MAP4K2: variants seen among roughly 807,000 people sequenced by gnomAD.
MAP4K2 encodes the protein B lymphocyte serine/threonine protein kinase.
Under a neutral mutation model 125.3 loss-of-function variants are expected in MAP4K2, and 85 were observed. The observed-to-expected ratio is 0.68, with a 90% CI of 0.57 to 0.81. The LOEUF (loss-of-function observed/expected upper bound fraction) is 0.81, where lower values mean the gene tolerates loss of function less well. MAP4K2 is among the 40% of genes least tolerant of loss of function. MAP4K2 has a pLI of 0.00. For synonymous variants in MAP4K2, 479 were observed against 445.1 expected, an observed-to-expected ratio of 1.08 and a Z score of -0.96; for missense variants, 923 against 1,056.4, an observed-to-expected ratio of 0.87 and a Z score of 1.75.
intron 27 of MAP4K2, among the ~76,000 whole-genome samples, chr11:64,791,575 T>G (rs927016740): frequency 6.6e-6 from 1 of 152,224 alleles, no homozygotes; most frequent in Non-Finnish European, 1.5e-5. Flanking sequence ...CTCGCCATGT[T>G]GTCCAGGCTG....
In MAP4K2 at chr11:64,789,943, A is replaced by G. The variant is rs1052564481; in HGVS notation, c.2265T>C (p.Ser755=). ...PIETVVCLQD[S]VLAFWSHGMQ... is the part of the protein sequence containing the mutation. Reference sequence around the variant, plus strand: ...TCCCATGGCTCCAGAAGGCCAGCACACTGTCCTGCAGGCACACTATGGGGG... The same window carrying G: ...TCCCATGGCTCCAGAAGGCCAGCACGCTGTCCTGCAGGCACACTATGGGGG... The change falls in exon 30 of 32, where the codon AGT becomes AGC. Residue 755 remains serine (S), a synonymous_variant. Transcript: ENST00000294066. The G allele has an allele frequency of 6.8e-6, 11 of 1,613,336 alleles. No individual in the cohort carries two copies. The highest frequency in any genetic ancestry group is 9.3e-6 in the Non-Finnish European group (11 of 1,179,926).
Position 64,802,849 on chromosome 11 carries a change from C to T in MAP4K2, c.154+36G>A, listed in dbSNP as rs61458515. 5.4e-3 allele frequency: 8,596 copies of T among 1,587,538 alleles called. 368 individuals are homozygous for T. In the African/African-American group the frequency reaches 0.096, roughly 18 times the overall value. ...ACCCCGCGCCCGCGGGCGCTCTGCC[C>T]TTCCTCTGGCGCAGAGGCCCGACCC... On this transcript the variant is annotated intron_variant, in intron 2 of 31. Coordinates refer to ENST00000294066, the MANE Select transcript of MAP4K2 (RefSeq NM_004579.5).
At position 64,786,031 on chromosome 11, in the gene MAP4K2, T is replaced by G. The variant is rs1380982996; in HGVS notation, c.*3506A>C. 1 of 152,210 alleles carries G rather than the reference T, an allele frequency of 6.6e-6. No homozygotes were observed. Among genetic ancestry groups the G allele is most frequent in the Admixed American group, 6.5e-5 (1 of 15,270 alleles). 9.4% of individuals were successfully genotyped at this position (152,210 alleles called of 1,614,324 possible). On this transcript the variant is annotated 3_prime_UTR_variant, in exon 32 of 32. Transcript: ENST00000294066. ...AGATATTACCAATACCTTTAAAAAT[T>G]CCTGGGCTCCTTCCTTATCCCATCC...
At position 64,798,798 on chromosome 11, in the gene MAP4K2, T is replaced by A; in HGVS notation, c.1093A>T (p.Ser365Cys). The change falls in exon 15 of 32, where the codon AGT becomes TGT. Residue 365 changes from serine to cysteine, a missense_variant. Physicochemically the swap from Ser to Cys is moderately radical, Grantham distance 112. Around this residue, in one of 2 missense-constraint regions of MAP4K2, gnomAD observed 833 missense variants for 911.4 expected, o/e 0.91. Transcript: ENST00000294066. ...EWTLLGKEELSGSLLQSVQEA... is the reference protein window; with the variant it reads ...EWTLLGKEELCGSLLQSVQEA... ...GCTTCCCCATACCTCACTTACCCAC[T>A]CAACTCTTCCTTTCCCAGTAGTGTC... The A allele has an allele frequency of 1.2e-6, 2 of 1,611,492 alleles. No individual in the cohort carries two copies. Among genetic ancestry groups the A allele is most frequent in the Non-Finnish European group, 1.7e-6 (2 of 1,178,766 alleles).
At chr11:64,792,826 G>A (rs754346834) in intron 24 of MAP4K2, among the ~76,000 whole-genome samples, 5 of 152,216 alleles carry the variant, frequency 3.3e-5, no homozygotes, top group Non-Finnish European at 7.3e-5. Flanking sequence ...TGGGAATCGT[G>A]TGTGCTCACA....
chr11:64,790,300 G>A, intron 28 of MAP4K2, 26 bp from the exon 29 acceptor site: 1 of 1,613,576 alleles, frequency 6.2e-7, no homozygotes, highest in South Asian at 1.1e-5. Flanking sequence ...ATTGGTGAGT[G>A]GGGACGGGGA....
At position 64,801,042 on chromosome 11, in the gene MAP4K2, G is replaced by C. The variant is rs1211958194; in HGVS notation, c.531-11C>G. 2 of 1,613,678 alleles carry C rather than the reference G, an allele frequency of 1.2e-6. No individual in the cohort carries two copies. Among genetic ancestry groups the C allele is most frequent in the Non-Finnish European group, 8.5e-7 (1 of 1,180,002 alleles). Reference sequence around the variant, plus strand: ...ACCTCGGGAGCCATCCTAGAGGTGGGGTCACAGATGGGATGGCCGGGTGCC... The same window carrying C: ...ACCTCGGGAGCCATCCTAGAGGTGGCGTCACAGATGGGATGGCCGGGTGCC... On this transcript the variant is annotated splice_polypyrimidine_tract_variant and intron_variant, in intron 8 of 31. Transcript: ENST00000294066.
intron 15 of MAP4K2, 91 bp from the exon 16 acceptor site, chr11:64,797,755 G>T: frequency 7.9e-7 from 1 of 1,261,928 alleles, no homozygotes; most frequent in South Asian, 1.7e-5. Context: ...ACCCAGGCCG[G>T]AGTGCAGTGG....
intron 10 of MAP4K2, 29 bp from the exon 11 acceptor site, chr11:64,800,421 A>C: frequency 6.2e-7 from 1 of 1,610,908 alleles, no homozygotes. Flanking sequence ...CCCCAGCGCC[A>C]GATCCAGGTT....
chr11:64,802,146 C>A (rs1305882874), intron 4 of MAP4K2, 25 bp from the exon 5 acceptor site: 1 of 1,608,610 alleles, frequency 6.2e-7, no homozygotes, highest in Non-Finnish European at 8.5e-7. Flanking sequence ...GAGAGGCTGG[C>A]TTGGGGGCCC....
chr11:64,796,619 C>A lies in MAP4K2; in HGVS notation c.1572+15G>T. 1 of 1,614,054 alleles carries A rather than the reference C, an allele frequency of 6.2e-7. No individual in the cohort carries two copies. The highest frequency in any genetic ancestry group is 2.2e-5 in the East Asian group (1 of 44,888). On this transcript the variant is annotated intron_variant, in intron 22 of 31. Transcript: ENST00000294066. ...CCCACAAGGCCTCTGCCCCCCACAG[C>A]CAGCCGGGCCTCACCTTCTCCAGCG...
Position 64,789,227 on chromosome 11 carries a change from G to T in MAP4K2, c.*310C>A. 2.3e-6 allele frequency: 1 copy of T among 440,560 alleles called. No individual in the cohort carries two copies. The highest frequency in any genetic ancestry group is 4.2e-6 in the Non-Finnish European group (1 of 239,848). The allele number at this position is 440,560 out of a possible 1,614,324, so 27.3% of individuals were successfully genotyped here. On this transcript the variant is annotated 3_prime_UTR_variant, in exon 32 of 32. Coordinates refer to ENST00000294066, the MANE Select transcript of MAP4K2 (RefSeq NM_004579.5). ...CAGGGGCAGGCTCTTGGCAGAAAGA[G>T]TAGAAAGGAAATGTGGAACAAAATG...
In MAP4K2 at chr11:64,792,391, T is replaced by C. The variant is rs1367071488; in HGVS notation, c.1783A>G (p.Thr595Ala). The change falls in exon 25 of 32, where the codon ACC (threonine) becomes GCC (alanine). Residue 595 changes from threonine (T) to alanine (A), a missense_variant. Coordinates refer to ENST00000294066, the MANE Select transcript of MAP4K2 (RefSeq NM_004579.5). The part of the protein sequence containing the change: ...RFALSTKIPD[T>A]KGCLQCRVVR... ...ACACGACACTGCAAGCAGCCTTTGG[T>C]GTCAGGAATCTTGGTGGACAGAGCA... 6.8e-7 allele frequency: 1 copy of C among 1,470,336 alleles called. No homozygotes were observed. The highest frequency in any genetic ancestry group is 3.0e-5 in the East Asian group (1 of 33,376). 91.1% of individuals were successfully genotyped at this position (1,470,336 alleles called of 1,614,324 possible). A position where few individuals can be genotyped will look rare whatever the true frequency, so the allele number is the denominator to read the frequency against.
chr11:64,790,877 T>C (rs1257614450), intron 27 of MAP4K2, among the ~76,000 whole-genome samples: 3 of 152,220 alleles, frequency 2.0e-5, no homozygotes, highest in Non-Finnish European at 4.4e-5. Flanking sequence ...GGCTCACACC[T>C]GTAATCCCAG....
At chr11:64,797,851 G>A (rs1379499940) in intron 15 of MAP4K2, among the ~76,000 whole-genome samples, 187 bp from the exon 16 acceptor site, 3 of 151,658 alleles carry the variant, frequency 2.0e-5, no homozygotes, top group East Asian at 1.9e-4. Context: ...GACTACAGGC[G>A]CCCGCCACCG....
chr11:64,796,771 A>T, intron 21 of MAP4K2, 38 bp downstream of exon 21: 1 of 1,613,366 alleles, frequency 6.2e-7, no homozygotes, highest in Non-Finnish European at 8.5e-7. Flanking sequence ...AAGCTGAGGG[A>T]TTCCTTGGGC....
rs1316909763 is a variant in MAP4K2 at position 64,801,604 on chromosome 11, G to C, written c.432C>G (p.Leu144=). 6.2e-7 allele frequency: 1 copy of C among 1,613,896 alleles called. No homozygotes were observed. Residue 144 remains leucine (L), a synonymous_variant, in exon 7 of 32, where the codon CTC becomes CTG. Coordinates refer to ENST00000294066, the MANE Select transcript of MAP4K2 (RefSeq NM_004579.5). ...CCAGTTTGACATCTCCCTGGAGAGT[G>C]AGGAGAAGGTTGGCTCCCTGTGGGA... ...HRDIKGANLL[L]TLQGDVKLAD...
intron 14 of MAP4K2, 43 bp downstream of exon 14, chr11:64,799,378 C>T: frequency 6.2e-7 from 1 of 1,606,090 alleles, no homozygotes; most frequent in Admixed American, 1.7e-5. Flanking sequence ...CCTCCCTGCC[C>T]CACCTCTGGG....
Position 64,792,256 on chromosome 11 carries a change from A to T in MAP4K2, c.1830T>A (p.Gly610=). 1 of 1,610,942 alleles carries T rather than the reference A, an allele frequency of 6.2e-7. No homozygotes were observed. Among genetic ancestry groups the T allele is most frequent in the East Asian group, 2.2e-5 (1 of 44,794 alleles). The change falls in exon 26 of 32, where the codon GGT becomes GGA. Residue 610 remains glycine, a synonymous_variant. Transcript: ENST00000294066. ...GCAGGGCGGCCAGCAGGAAGGTGGC[A>T]CCCGTGTAGGGGTTCCGCACTGGCA... is the stretch of plus-strand genomic sequence containing the variant. ...QCRVVRNPYT[G]ATFLLAALPT...
Sources: allele counts gnomAD v4.1 joint callset (sites outside exome capture counted in the v4.1 genomes callset), GRCh38; gene constraint gnomAD v4.1.1; regional missense constraint gnomAD v4.1.1; transcripts MANE v1.5; gene names NCBI Gene and HGNC (gene_info 2026-07-23, HGNC 2026-07-21).